The following VCF2 variants were observed in gnomAD, a reference collection of about 807,000 sequenced individuals.
The protein encoded by VCF2 is VCP nuclear cofactor family member 2.
the VCF2 span, chrX:55,146,015 C>G: frequency 8.8e-7 from 1 of 1,133,071 alleles, no homozygotes; most frequent in Non-Finnish European, 1.2e-6. Flanking sequence ...AACCAATAGA[C>G]TTTTTTTGGT....
chrX:55,153,835 C>T, the VCF2 span, among the ~76,000 whole-genome samples: 1 of 112,049 alleles, frequency 8.9e-6, no homozygotes, highest in African/African-American at 3.2e-5. Flanking sequence ...GATTCCATAA[C>T]CGAGATTTTG....
chrX:55,152,538 T>C, the VCF2 span, among the ~76,000 whole-genome samples: 1 of 112,099 alleles, frequency 8.9e-6, no homozygotes, highest in South Asian at 3.7e-4. Context: ...ATTTTCTTCT[T>C]AAATGCTTTC....
At chrX:55,158,403 A>C in the VCF2 span, among the ~76,000 whole-genome samples, 6 of 112,115 alleles carry the variant, frequency 5.4e-5, no homozygotes, top group South Asian at 2.2e-3. Flanking sequence ...GAAGAGAGGA[A>C]GGGGGGATGA....
At chrX:55,150,985 T>C in the VCF2 span, among the ~76,000 whole-genome samples, 6 of 112,667 alleles carry the variant, frequency 5.3e-5, no homozygotes, top group African/African-American at 1.9e-4. Context: ...TTTTCTAACT[T>C]TTGTTTCTGA....
chrX:55,151,179 T>A, the VCF2 span, among the ~76,000 whole-genome samples: 4 of 112,619 alleles, frequency 3.6e-5, no homozygotes, highest in Non-Finnish European at 7.5e-5. Context: ...CTCTGTTTTC[T>A]TTTGTAACAG....
the VCF2 span, among the ~76,000 whole-genome samples, chrX:55,160,091 C>T: frequency 8.9e-6 from 1 of 112,035 alleles, no homozygotes; most frequent in Non-Finnish European, 1.9e-5. Context: ...AATAAAAAAT[C>T]ACGTAGAAAA....
the VCF2 span, among the ~76,000 whole-genome samples, chrX:55,156,450 C>T: frequency 8.9e-6 from 1 of 112,189 alleles, no homozygotes; most frequent in Non-Finnish European, 1.9e-5. Flanking sequence ...CTAACCAAAT[C>T]CATCAGAGGG....
At chrX:55,153,355 AT>A in the VCF2 span, among the ~76,000 whole-genome samples, 4,295 of 84,257 alleles carry the variant, frequency 0.051, 167 homozygotes, top group African/African-American at 0.16. Context: ...TTATTTATTA[AT>A]TTTTTTTTTT....
the VCF2 span, among the ~76,000 whole-genome samples, chrX:55,155,861 C>G: frequency 9.1e-6 from 1 of 109,880 alleles, no homozygotes; most frequent in Non-Finnish European, 1.9e-5. Context: ...GAAATTCATG[C>G]ATGTATTCAT....
the VCF2 span, chrX:55,143,768 G>C: frequency 8.8e-7 from 1 of 1,142,160 alleles, no homozygotes; most frequent in Non-Finnish European, 1.2e-6. Context: ...TCATAGCGGA[G>C]ATAAGTAGTT....
chrX:55,145,870 T>C, the VCF2 span: 1 of 951,882 alleles, frequency 1.1e-6, no homozygotes, highest in Non-Finnish European at 1.3e-6. Flanking sequence ...AAACTCTATG[T>C]AGAAAGAGTA....
the VCF2 span, chrX:55,159,011 A>C: frequency 3.9e-6 from 2 of 508,371 alleles, no homozygotes; most frequent in African/African-American, 4.9e-5. Flanking sequence ...GTAATCAAGC[A>C]AGAAAACTTT....
chrX:55,160,749 G>A, the VCF2 span: 7 of 972,137 alleles, frequency 7.2e-6, no homozygotes, highest in African/African-American at 1.2e-4. Flanking sequence ...GTACCTAGCA[G>A]CCTCACCGAG....
chrX:55,144,520 A>G, the VCF2 span, among the ~76,000 whole-genome samples: 3 of 111,684 alleles, frequency 2.7e-5, no homozygotes, highest in African/African-American at 3.2e-5. Context: ...TTTTTTCCCC[A>G]TAACACTAAA....
chrX:55,143,847 A>G, the VCF2 span: 1 of 1,202,950 alleles, frequency 8.3e-7, no homozygotes, highest in East Asian at 3.0e-5. Context: ...GACATAAACC[A>G]GTTTATGACA....
the VCF2 span, chrX:55,159,081 T>C: frequency 1.0e-6 from 1 of 975,868 alleles, no homozygotes; most frequent in Non-Finnish European, 1.4e-6. Flanking sequence ...TTGGATAATT[T>C]AGTGTAGGCA....
At chrX:55,161,045 G>A in the VCF2 span, 2 of 1,184,450 alleles carry the variant, frequency 1.7e-6, no homozygotes, top group Non-Finnish European at 2.3e-6. Flanking sequence ...TCCGCCCTGA[G>A]CCCCGAGATC....
the VCF2 span, among the ~76,000 whole-genome samples, chrX:55,151,616 C>T: frequency 8.0e-5 from 9 of 112,320 alleles, no homozygotes; most frequent in East Asian, 2.2e-3. Flanking sequence ...GCTTATTTTA[C>T]ACATAAATTT....
At chrX:55,155,261 T>C in the VCF2 span, among the ~76,000 whole-genome samples, 1 of 112,030 alleles carries the variant, frequency 8.9e-6, no homozygotes, top group East Asian at 2.8e-4. Context: ...CAAACAGGTA[T>C]TTGAGCATAA....
Sources: allele counts gnomAD v4.1 joint callset (sites outside exome capture counted in the v4.1 genomes callset), GRCh38; gene constraint gnomAD v4.1.1; transcripts MANE v1.5; gene names NCBI Gene and HGNC (gene_info 2026-07-23, HGNC 2026-07-21).